Variants in TFEC observed in about 807,000 individuals in gnomAD.
TFEC encodes the protein transcription factor EC, also known as class E basic helix-loop-helix protein 34.
Under a neutral mutation model 41.6 loss-of-function variants are expected in TFEC, and 31 were observed. That is an observed-to-expected ratio of 0.74 (90% CI 0.56 to 1.01). TFEC has a LOEUF of 1.01. TFEC is among the 50% of genes least tolerant of loss of function. TFEC has a pLI of 0.00. For synonymous variants in TFEC, 143 were observed against 140.6 expected (o/e 1.02, Z -0.12); for missense variants, 402 against 404.1 (o/e 0.99, Z 0.04).
chr7:115,963,571 G>A (rs1014391637), intron 3 of TFEC, among the ~76,000 whole-genome samples: 1 of 151,668 alleles, frequency 6.6e-6, no homozygotes, highest in African/African-American at 2.4e-5. Flanking sequence ...TACACATAAT[G>A]GAATAGGCTT....
At chr7:116,072,866 G>A (rs1187043178) in intron 3 of TFEC, among the ~76,000 whole-genome samples, 1 of 151,514 alleles carries the variant, frequency 6.6e-6, no homozygotes, top group African/African-American at 2.4e-5. Flanking sequence ...GATACTTAAT[G>A]ATGAAAAACT....
chr7:115,969,873 T>C (rs998335724), intron 3 of TFEC, among the ~76,000 whole-genome samples: 1 of 151,900 alleles, frequency 6.6e-6, no homozygotes, highest in Admixed American at 6.6e-5. Context: ...TATTGATAGA[T>C]GTGAGTATGG....
At chr7:116,128,203 T>C (rs1798255070) in intron 1 of TFEC, among the ~76,000 whole-genome samples, 2 of 152,052 alleles carry the variant, frequency 1.3e-5, no homozygotes, top group Admixed American at 6.5e-5. Flanking sequence ...AAACATAATA[T>C]ATGAAACAAA....
At chr7:115,984,736 GT>G (rs927220616) in intron 1 of TFEC, among the ~76,000 whole-genome samples, 2 of 151,960 alleles carry the variant, frequency 1.3e-5, no homozygotes, top group Non-Finnish European at 2.9e-5. Context: ...ATGCTAACCA[GT>G]TTTTTTAAAT....
At chr7:116,118,374 G>A (rs894447726) in intron 1 of TFEC, among the ~76,000 whole-genome samples, 1 of 151,762 alleles carries the variant, frequency 6.6e-6, no homozygotes, top group Admixed American at 6.6e-5. Context: ...TTTTCTCAAA[G>A]TTTTTATTAA....
At chr7:116,101,704 G>A (rs908557051) in intron 3 of TFEC, among the ~76,000 whole-genome samples, 1 of 145,448 alleles carries the variant, frequency 6.9e-6, no homozygotes, top group East Asian at 2.2e-4. Context: ...TGGGGCAGGG[G>A]GGCAACAATG....
chr7:115,972,653 A>T (rs867929287), intron 3 of TFEC, among the ~76,000 whole-genome samples: 2 of 152,128 alleles, frequency 1.3e-5, no homozygotes, highest in South Asian at 4.1e-4. Context: ...ATTATCAGTT[A>T]TCTTTGGTTA....
At chr7:116,033,448 TTAAA>T (rs2130899805), upstream of TFEC, among the ~76,000 whole-genome samples, 1 of 152,224 alleles carries the variant, frequency 6.6e-6, no homozygotes, top group African/African-American at 2.4e-5. Context: ...AGTAAATTGT[TTAAA>T]TAATGCCAGG....
intron 3 of TFEC, among the ~76,000 whole-genome samples, chr7:116,082,648 A>T (rs17138262): frequency 0.13 from 19,071 of 151,944 alleles, 1,324 homozygotes; most frequent in Middle Eastern, 0.17. Context: ...AGAATCTATG[A>T]TTTTCCAACA....
At chr7:116,085,571 A>C (rs995645936) in intron 3 of TFEC, among the ~76,000 whole-genome samples, 1 of 151,950 alleles carries the variant, frequency 6.6e-6, no homozygotes, top group African/African-American at 2.4e-5. Flanking sequence ...AGAACATGCC[A>C]ATAAATTCAT....
chr7:115,982,607 T>G (rs1793677187), intron 2 of TFEC, among the ~76,000 whole-genome samples: 1 of 152,164 alleles, frequency 6.6e-6, no homozygotes, highest in Non-Finnish European at 1.5e-5. Flanking sequence ...TAATGATGGT[T>G]GGGAGATACT....
At chr7:116,043,658 T>C (rs191979488) in intron 3 of TFEC, among the ~76,000 whole-genome samples, 201 of 152,298 alleles carry the variant, frequency 1.3e-3, no homozygotes, top group African/African-American at 4.7e-3. Context: ...GCAGTATAGC[T>C]GTACCTGCAA....
chr7:116,072,217 T>C (rs1796846422), intron 3 of TFEC, among the ~76,000 whole-genome samples: 2 of 151,672 alleles, frequency 1.3e-5, no homozygotes, highest in South Asian at 4.1e-4. Flanking sequence ...GAATTTTCTA[T>C]GTATAAGACC....
intron 3 of TFEC, among the ~76,000 whole-genome samples, chr7:116,096,374 C>T (rs1192039920): frequency 2.0e-5 from 3 of 152,096 alleles, no homozygotes; most frequent in Non-Finnish European, 2.9e-5. Flanking sequence ...TCCTTAATGT[C>T]GTTTTCATTT....
Position 115,940,855 on chromosome 7 carries a change from A to G in TFEC, c.740T>C (p.Val247Ala), listed in dbSNP as rs1239091360. 1 of 1,613,360 alleles carries G rather than the reference A, an allele frequency of 6.2e-7. No homozygotes were observed. Among genetic ancestry groups the G allele is most frequent in the Non-Finnish European group, 8.5e-7 (1 of 1,179,546 alleles). Residue 247 changes from valine (V) to alanine (A), a missense_variant, in exon 8 of 8, where the codon GTC becomes GCC. By Grantham distance (64) the Val-to-Ala change is moderately conservative (BLOSUM62 0). Transcript: ENST00000265440. ...CTCAGGATGGCTCTGCTGTTTGGTGACATGAGCACCTAAATCAACCGTGCC... is the reference window on the plus strand; with the variant it reads ...CTCAGGATGGCTCTGCTGTTTGGTGGCATGAGCACCTAAATCAACCGTGCC... ...SLGTVDLGAH[V>A]TKQQSHPEQN... is the part of the protein sequence containing the mutation.
chr7:116,156,254 G>A (rs923929995), intron 1 of TFEC, among the ~76,000 whole-genome samples: 6 of 152,120 alleles, frequency 3.9e-5, no homozygotes, highest in Non-Finnish European at 8.8e-5. Flanking sequence ...TTCAAAGACA[G>A]CTCATGGAGC....
At chr7:116,148,753 T>C (rs990054553) in intron 1 of TFEC, among the ~76,000 whole-genome samples, 2 of 152,190 alleles carry the variant, frequency 1.3e-5, no homozygotes, top group African/African-American at 2.4e-5. Context: ...CATCAGTGTG[T>C]AGATGCAAAC....
chr7:115,972,903 A>G (rs1257468673), intron 3 of TFEC, among the ~76,000 whole-genome samples: 2 of 152,048 alleles, frequency 1.3e-5, no homozygotes, highest in African/African-American at 2.4e-5. Flanking sequence ...CAGGAAATTA[A>G]TATCATTTCC....
chr7:116,023,148 A>G (rs969031951), intron 1 of TFEC, among the ~76,000 whole-genome samples: 2 of 152,126 alleles, frequency 1.3e-5, no homozygotes, highest in African/African-American at 4.8e-5. Flanking sequence ...ACACTTGTCT[A>G]TTAGGCCTCT....
Sources: gnomAD v4.1 joint callset for allele counts (sites outside exome capture counted in the v4.1 genomes callset) on GRCh38, gnomAD v4.1.1 for gene constraint, MANE v1.5 for transcripts, NCBI Gene and HGNC (gene_info 2026-07-23, HGNC 2026-07-21) for gene names.